Variants in PCDH15 observed in about 807,000 individuals in gnomAD.
PCDH15 encodes the protein protocadherin-15.
PCDH15 carries 129 observed loss-of-function variants against 178.5 expected under a neutral mutation model. The ratio of observed to expected loss-of-function variants is 0.72; its 90% confidence interval spans 0.63 to 0.84. PCDH15 has a LOEUF of 0.84. Among genes scored for constraint, PCDH15 ranks in the 40% least tolerant of loss-of-function variants. The pLI is 0.00. For synonymous variants in PCDH15, 800 were observed against 732.0 expected, an observed-to-expected ratio of 1.09 and a Z score of -1.50; for missense variants, 2,230 against 2,099.9, an observed-to-expected ratio of 1.06 and a Z score of -1.21.
chr10:54,880,591 T>C (rs1260696027), intron 3 of PCDH15, among the ~76,000 whole-genome samples: 1 of 151,766 alleles, frequency 6.6e-6, no homozygotes, highest in African/African-American at 2.4e-5. Context: ...GAACAAACTT[T>C]AATTTTCACT....
intron 1 of PCDH15, among the ~76,000 whole-genome samples, chr10:55,252,255 C>A (rs1393374686): frequency 6.6e-6 from 1 of 152,002 alleles, no homozygotes; most frequent in East Asian, 1.9e-4. Flanking sequence ...GATGTATTTT[C>A]TCGGGCAACA....
chr10:54,899,402 T>G (rs1219469700), intron 2 of PCDH15, among the ~76,000 whole-genome samples: 1 of 152,252 alleles, frequency 6.6e-6, no homozygotes, highest in East Asian at 1.9e-4. Flanking sequence ...TTATAAAGTT[T>G]ATAAATTATC....
intron 2 of PCDH15, among the ~76,000 whole-genome samples, chr10:55,048,397 A>G (rs1437930847): frequency 6.6e-6 from 1 of 151,950 alleles, no homozygotes; most frequent in Non-Finnish European, 1.5e-5. Flanking sequence ...ATCCAAGGCC[A>G]GTAAATAAGA....
chr10:54,397,275 T>C (rs553345249), intron 3 of PCDH15, among the ~76,000 whole-genome samples: 2 of 152,156 alleles, frequency 1.3e-5, no homozygotes, highest in South Asian at 4.1e-4. Context: ...CCCTTTGAAA[T>C]ATTGTTATCC....
At chr10:55,576,422 T>C (rs539775806) in intron 2 of PCDH15, among the ~76,000 whole-genome samples, 6 of 152,230 alleles carry the variant, frequency 3.9e-5, no homozygotes, top group Non-Finnish European at 8.8e-5. Context: ...TGAAAGAAAA[T>C]CCACACATAA....
At chr10:53,871,205 G>C (rs2079821985) in intron 26 of PCDH15, among the ~76,000 whole-genome samples, 1 of 151,470 alleles carries the variant, frequency 6.6e-6, no homozygotes, top group Non-Finnish European at 1.5e-5. Flanking sequence ...GCTGGGCGTC[G>C]TGGCAGGCAC....
At chr10:54,200,269 C>CTTTTTTTTTTTTTTT (rs11377394) in intron 10 of PCDH15, among the ~76,000 whole-genome samples, 9 of 106,072 alleles carry the variant, frequency 8.5e-5, no homozygotes, top group African/African-American at 1.1e-4. Context: ...ACAGAGCCCA[C>CTTTTTTTTTTTTTTT]TTTTTTTTTT....
At chr10:54,289,519 A>G (rs1191582681) in intron 8 of PCDH15, among the ~76,000 whole-genome samples, 4 of 152,234 alleles carry the variant, frequency 2.6e-5, no homozygotes, top group Non-Finnish European at 5.9e-5. Flanking sequence ...CTCACCAGCA[A>G]CAGAGCAAAG....
At chr10:54,934,681 G>C (rs1227153927) in intron 2 of PCDH15, among the ~76,000 whole-genome samples, 1 of 150,868 alleles carries the variant, frequency 6.6e-6, no homozygotes, top group East Asian at 1.9e-4. Context: ...CGATTCCTCA[G>C]GGATCTACAA....
At chr10:55,238,431 T>C (rs1237423702) in intron 1 of PCDH15, among the ~76,000 whole-genome samples, 1 of 152,100 alleles carries the variant, frequency 6.6e-6, no homozygotes, top group African/African-American at 2.4e-5. Flanking sequence ...ATTAAAGGCG[T>C]GAGCCACCGC....
At chr10:55,432,708 T>C (rs1644143059) in intron 2 of PCDH15, among the ~76,000 whole-genome samples, 1 of 152,106 alleles carries the variant, frequency 6.6e-6, no homozygotes, top group Non-Finnish European at 1.5e-5. Flanking sequence ...TAAAGCCATG[T>C]GGCGATTACT....
intron 8 of PCDH15, among the ~76,000 whole-genome samples, chr10:54,252,693 T>C (rs1431937109): frequency 6.6e-6 from 1 of 152,158 alleles, no homozygotes; most frequent in Non-Finnish European, 1.5e-5. Flanking sequence ...AAGTGTATAA[T>C]AGTAACATTA....
chr10:54,372,776 C>A (rs2134821654), intron 4 of PCDH15, among the ~76,000 whole-genome samples: 1 of 151,898 alleles, frequency 6.6e-6, no homozygotes, highest in East Asian at 1.9e-4. Flanking sequence ...AAAACTATTA[C>A]CATTCATATA....
intron 1 of PCDH15, among the ~76,000 whole-genome samples, chr10:55,317,338 C>T (rs146688280): frequency 7.2e-5 from 11 of 152,140 alleles, no homozygotes; most frequent in Middle Eastern, 3.4e-3. Context: ...GTATTTCTTA[C>T]ATCAAAAAAA....
chr10:54,274,309 G>C (rs1026616619), intron 8 of PCDH15, among the ~76,000 whole-genome samples: 10 of 152,022 alleles, frequency 6.6e-5, no homozygotes, highest in African/African-American at 2.4e-4. Flanking sequence ...AATGAAGCCT[G>C]TCAGAACCAC....
Position 55,378,871 on chromosome 10 carries a change from C to A in PCDH15, c.-155-212220G>T, listed in dbSNP as rs565832832. 1.1e-4 allele frequency among the ~76,000 whole-genome samples: 15 copies of A among 142,042 alleles called. No homozygotes were observed. The South Asian group carries it at 2.4e-3, about 23-fold the overall frequency. The allele number at this position is 142,042 out of a possible 152,430, so 93.2% of individuals were successfully genotyped here. ...CCTCTCTTCCTTTCTTTGTGTAACT[C>A]TCCCCATCTCTCTCTCTCTCTCTCT... On this transcript the variant is annotated intron_variant, in intron 2 of 5. Transcript: ENST00000613346.
chr10:54,322,784 C>G (rs2061694299), intron 7 of PCDH15, among the ~76,000 whole-genome samples: 1 of 152,010 alleles, frequency 6.6e-6, no homozygotes, highest in Non-Finnish European at 1.5e-5. Context: ...TATTAAAACT[C>G]TTCTTGACAT....
At chr10:55,396,601 G>A (rs531533741) in intron 2 of PCDH15, among the ~76,000 whole-genome samples, 22 of 152,220 alleles carry the variant, frequency 1.4e-4, no homozygotes, top group Admixed American at 1.3e-3. Context: ...AATGATGCAG[G>A]CAAACAAAGA....
intron 15 of PCDH15, among the ~76,000 whole-genome samples, chr10:54,107,535 TG>T (rs994802333): frequency 1.9e-4 from 29 of 151,796 alleles, no homozygotes; most frequent in African/African-American, 7.0e-4. Context: ...TCTGAGAGGG[TG>T]GGAGGCAAAT....
Sources: allele counts gnomAD v4.1 joint callset (sites outside exome capture counted in the v4.1 genomes callset), GRCh38; gene constraint gnomAD v4.1.1; transcripts MANE v1.5; gene names NCBI Gene and HGNC (gene_info 2026-07-23, HGNC 2026-07-21).